The following DOCK4 variants were observed in gnomAD, a reference collection of about 807,000 sequenced individuals.
The protein encoded by DOCK4 is dedicator of cytokinesis 4.
Under a neutral mutation model 268.1 loss-of-function variants are expected in DOCK4, and 97 were observed. The observed-to-expected ratio is 0.36, with a 90% CI of 0.31 to 0.43. DOCK4 has a LOEUF of 0.43. Ranked by LOEUF, DOCK4 falls within the 20% of genes least tolerant of loss-of-function variation. The probability of loss-of-function intolerance (pLI) is 1.00; values close to 1 mark genes in which losing one functional copy is unlikely to be tolerated. For missense variants in DOCK4, 2,145 were observed against 2,455.7 expected (o/e 0.87, Z 2.67); for synonymous variants, 954 against 887.2 (o/e 1.08, Z -1.34).
intron 13 of DOCK4, among the ~76,000 whole-genome samples, chr7:111,915,352 T>C (rs1792496998): frequency 6.6e-6 from 1 of 152,204 alleles, no homozygotes; most frequent in Non-Finnish European, 1.5e-5. Flanking sequence ...TATTTACATA[T>C]GGCTAACTAG....
intron 4 of DOCK4, 108 bp from the exon 5 acceptor site, chr7:111,994,339 G>A (rs554507694): frequency 8.8e-5 from 53 of 604,504 alleles, no homozygotes; most frequent in African/African-American, 6.8e-4. Context: ...GCTATTGTTC[G>A]TTCTACAGAC....
At chr7:111,851,865 TA>T (rs1487337820) in intron 23 of DOCK4, among the ~76,000 whole-genome samples, 2 of 151,544 alleles carry the variant, frequency 1.3e-5, no homozygotes, top group African/African-American at 4.9e-5. Context: ...TATCTATAGA[TA>T]AAAGTGATTC....
chr7:112,006,500 T>C (rs1211104328), intron 1 of DOCK4, among the ~76,000 whole-genome samples: 2 of 152,226 alleles, frequency 1.3e-5, no homozygotes, highest in African/African-American at 4.8e-5. Context: ...ATCTCATTTC[T>C]TATCCAAACG....
chr7:111,958,147 T>C (rs1586494267), intron 8 of DOCK4, among the ~76,000 whole-genome samples: 1 of 152,264 alleles, frequency 6.6e-6, no homozygotes, highest in African/African-American at 2.4e-5. Flanking sequence ...TCTTAATGCT[T>C]TGCCTCAACA....
At chr7:111,800,856 A>G (rs1800225297) in intron 30 of DOCK4, among the ~76,000 whole-genome samples, 1 of 152,124 alleles carries the variant, frequency 6.6e-6, no homozygotes. Flanking sequence ...AACACCCCCT[A>G]ACAGCAGTTA....
intron 26 of DOCK4, 128 bp from the exon 27 acceptor site, chr7:111,822,584 T>A: frequency 1.2e-6 from 1 of 803,794 alleles, no homozygotes; most frequent in Admixed American, 2.5e-5. Context: ...GGAGCCATAG[T>A]TTAACAGTTT....
chr7:111,859,151 G>A (rs982524738), intron 23 of DOCK4, among the ~76,000 whole-genome samples: 6 of 152,096 alleles, frequency 3.9e-5, no homozygotes, highest in African/African-American at 1.4e-4. Context: ...GCTGAGTAGC[G>A]GGGACCACAG....
intron 17 of DOCK4, among the ~76,000 whole-genome samples, chr7:111,875,186 G>T (rs985078485): frequency 2.0e-5 from 3 of 152,158 alleles, no homozygotes; most frequent in Non-Finnish European, 4.4e-5. Flanking sequence ...CGTCTCCAAA[G>T]ATGAGCCAAT....
chr7:112,176,260 T>G (rs1025380537), intron 1 of DOCK4, among the ~76,000 whole-genome samples: 3 of 152,100 alleles, frequency 2.0e-5, no homozygotes, highest in Non-Finnish European at 4.4e-5. Flanking sequence ...AAAAAGAACA[T>G]ATGAAAGTTG....
chr7:112,092,261 T>A lies in DOCK4; in HGVS notation c.38-88130A>T, dbSNP rs113664167. Among the ~76,000 whole-genome samples, 785 of 152,332 alleles carry A rather than the reference T, an allele frequency of 5.2e-3. 6 individuals are homozygous for A. The highest frequency in any genetic ancestry group is 0.018 in the African/African-American group (736 of 41,574). ...CCACCACGCAGTATGTTTGCCACAC[T>A]GGTCTTTCATCTGCCACTAAATAAA... On this transcript the variant is annotated intron_variant, in intron 1 of 52. Transcript: ENST00000428084.
chr7:112,006,344 C>T (rs955076903), intron 1 of DOCK4, among the ~76,000 whole-genome samples: 10 of 152,228 alleles, frequency 6.6e-5, no homozygotes, highest in South Asian at 2.1e-4. Flanking sequence ...CTTCAACAGT[C>T]GGGTTCTTTT....
intron 1 of DOCK4, among the ~76,000 whole-genome samples, chr7:112,053,575 T>C (rs1030746756): frequency 2.4e-4 from 36 of 152,200 alleles, no homozygotes; most frequent in Non-Finnish European, 4.9e-4. Context: ...TTGCAAAGCA[T>C]AGTCATAGTT....
chr7:112,111,875 A>G (rs1811687618), intron 1 of DOCK4, among the ~76,000 whole-genome samples: 1 of 152,218 alleles, frequency 6.6e-6, no homozygotes, highest in Non-Finnish European at 1.5e-5. Flanking sequence ...AGCCTCTGTG[A>G]TTCTGCTCAG....
At chr7:111,817,933 T>C (rs1286123039) in intron 27 of DOCK4, among the ~76,000 whole-genome samples, 1 of 152,186 alleles carries the variant, frequency 6.6e-6, no homozygotes, top group Non-Finnish European at 1.5e-5. Flanking sequence ...ACAACACTTG[T>C]CATGGTCACC....
chr7:111,887,030 G>T (rs935666891), intron 16 of DOCK4, among the ~76,000 whole-genome samples: 39 of 152,092 alleles, frequency 2.6e-4, no homozygotes, highest in African/African-American at 9.2e-4. Flanking sequence ...AAAGCCTTGG[G>T]ATTACCCCCA....
intron 1 of DOCK4, among the ~76,000 whole-genome samples, chr7:112,145,245 G>A (rs1359475890): frequency 6.6e-6 from 1 of 152,122 alleles, no homozygotes; most frequent in Non-Finnish European, 1.5e-5. Flanking sequence ...ATATTTTATA[G>A]GCATAAGTGT....
At chr7:111,907,231 C>T (rs1791659168) in intron 13 of DOCK4, among the ~76,000 whole-genome samples, 2 of 152,084 alleles carry the variant, frequency 1.3e-5, no homozygotes, top group South Asian at 2.1e-4. Flanking sequence ...TTTTGTTTTG[C>T]TTTGTTTTTA....
intron 38 of DOCK4, among the ~76,000 whole-genome samples, chr7:111,765,816 T>C (rs532049765): frequency 1.3e-4 from 20 of 152,324 alleles, no homozygotes; most frequent in Non-Finnish European, 2.4e-4. Context: ...CGCCTGACAA[T>C]GTTGAAACTA....
At chr7:111,907,975 T>A (rs1791735758) in intron 13 of DOCK4, among the ~76,000 whole-genome samples, 1 of 152,104 alleles carries the variant, frequency 6.6e-6, no homozygotes, top group South Asian at 2.1e-4. Flanking sequence ...CAATCCACCA[T>A]CCTTGGTCTC....
Sources: allele counts gnomAD v4.1 joint callset (sites outside exome capture counted in the v4.1 genomes callset), GRCh38; gene constraint gnomAD v4.1.1; transcripts MANE v1.5; gene names NCBI Gene and HGNC (gene_info 2026-07-23, HGNC 2026-07-21).